The following CADPS2 variants were observed in gnomAD, a reference collection of about 807,000 sequenced individuals.
CADPS2 encodes calcium dependent secretion activator 2.
CADPS2 carries 93 observed loss-of-function variants against 172.5 expected under a neutral mutation model. The observed-to-expected ratio is 0.54, with a 90% CI of 0.46 to 0.64. The LOEUF is 0.64. Among genes scored for constraint, CADPS2 ranks in the 30% least tolerant of loss-of-function variants. The pLI is 0.00. For missense variants in CADPS2, 1,420 were observed against 1,565.9 expected (o/e 0.91, Z 1.57); for synonymous variants, 546 against 555.2 (o/e 0.98, Z 0.23).
At chr7:122,545,610 A>G (rs1304564509) in intron 8 of CADPS2, among the ~76,000 whole-genome samples, 1 of 152,178 alleles carries the variant, frequency 6.6e-6, no homozygotes, top group Admixed American at 6.6e-5. Flanking sequence ...AAATGGGAAC[A>G]TCGTAGAAAA....
intron 1 of CADPS2, among the ~76,000 whole-genome samples, chr7:122,863,930 T>C (rs1817621687): frequency 6.6e-6 from 1 of 152,076 alleles, no homozygotes; most frequent in African/African-American, 2.4e-5. Context: ...CTCGGGAGGC[T>C]GAGGCAGGAG....
intron 7 of CADPS2, among the ~76,000 whole-genome samples, chr7:122,574,445 T>TTAA (rs1458311901): frequency 5.3e-5 from 2 of 37,970 alleles, no homozygotes; most frequent in Admixed American, 5.6e-4. Context: ...GACCCTGTCT[T>TTAA]AAAAAAAAAA....
chr7:122,753,025 G>A (rs2093014375), intron 1 of CADPS2, among the ~76,000 whole-genome samples: 1 of 152,144 alleles, frequency 6.6e-6, no homozygotes, highest in South Asian at 2.1e-4. Flanking sequence ...GACACCCCAA[G>A]AAAGTGACAC....
chr7:122,659,423 A>G (rs890129396), intron 3 of CADPS2, among the ~76,000 whole-genome samples: 1 of 152,108 alleles, frequency 6.6e-6, no homozygotes, highest in Non-Finnish European at 1.5e-5. Flanking sequence ...ATGTCAATAA[A>G]AACTTCCCAA....
At chr7:122,501,743 C>T (rs1586673908) in intron 9 of CADPS2, among the ~76,000 whole-genome samples, 1 of 151,724 alleles carries the variant, frequency 6.6e-6, no homozygotes, top group Middle Eastern at 3.4e-3. Context: ...GGCGTGGTGG[C>T]ACACGCCTGT....
intron 3 of CADPS2, among the ~76,000 whole-genome samples, chr7:122,642,889 C>A (rs1440042179): frequency 6.6e-6 from 1 of 152,144 alleles, no homozygotes; most frequent in Admixed American, 6.5e-5. Context: ...AGTCCCCACA[C>A]CAATTATGTC....
At chr7:122,455,825 G>A (rs1270850283) in intron 14 of CADPS2, among the ~76,000 whole-genome samples, 2 of 152,048 alleles carry the variant, frequency 1.3e-5, no homozygotes, top group African/African-American at 4.8e-5. Flanking sequence ...TCCTGCCTCA[G>A]CCTCCCAAGT....
intron 8 of CADPS2, among the ~76,000 whole-genome samples, chr7:122,535,523 A>G (rs1438985519): frequency 1.3e-5 from 2 of 152,004 alleles, no homozygotes; most frequent in Non-Finnish European, 2.9e-5. Context: ...GATAATAAAT[A>G]TGTTTTATTT....
At chr7:122,763,783 G>C (rs1362613479) in intron 1 of CADPS2, among the ~76,000 whole-genome samples, 1 of 152,104 alleles carries the variant, frequency 6.6e-6, no homozygotes. Context: ...ATGTTTTCAA[G>C]ATCTTTCCAA....
At chr7:122,327,882 G>A (rs1265603351) in intron 28 of CADPS2, among the ~76,000 whole-genome samples, 2 of 151,744 alleles carry the variant, frequency 1.3e-5, no homozygotes, top group Non-Finnish European at 2.9e-5. Context: ...TACTTTGAAG[G>A]ACAATAAATT....
chr7:122,584,252 C>T (rs960686058), intron 6 of CADPS2, among the ~76,000 whole-genome samples: 1 of 151,930 alleles, frequency 6.6e-6, no homozygotes, highest in African/African-American at 2.4e-5. Context: ...TGGGAAGATA[C>T]TTGCTAATGA....
At chr7:122,473,468 T>A (rs1254253602) in intron 13 of CADPS2, among the ~76,000 whole-genome samples, 1 of 152,164 alleles carries the variant, frequency 6.6e-6, no homozygotes, top group African/African-American at 2.4e-5. Context: ...GATTTTGGAT[T>A]TTTGGATTAA....
chr7:122,361,833 G>A (rs2040188357), intron 25 of CADPS2, among the ~76,000 whole-genome samples: 1 of 152,028 alleles, frequency 6.6e-6, no homozygotes, highest in African/African-American at 2.4e-5. Flanking sequence ...CAGCACCTTG[G>A]GAGGCCAAGG....
At chr7:122,554,813 A>G (rs1563687630) in intron 7 of CADPS2, 124 bp from the exon 8 acceptor site, 5 of 718,686 alleles carry the variant, frequency 7.0e-6, no homozygotes, top group Non-Finnish European at 8.4e-6. Context: ...TATCCAATAA[A>G]CAATTTGACT....
chr7:122,724,914 T>C (rs947709336), intron 2 of CADPS2, among the ~76,000 whole-genome samples: 4 of 152,034 alleles, frequency 2.6e-5, no homozygotes, highest in Non-Finnish European at 4.4e-5. Context: ...AATAAGTCCA[T>C]ACGATTACAG....
chr7:122,685,874 T>C (rs2083556454), intron 2 of CADPS2, among the ~76,000 whole-genome samples: 1 of 152,196 alleles, frequency 6.6e-6, no homozygotes, highest in Non-Finnish European at 1.5e-5. Context: ...AGCAATGCTG[T>C]TAAAGCAGAG....
intron 1 of CADPS2, among the ~76,000 whole-genome samples, chr7:122,862,508 T>G (rs778724666): frequency 1.7e-4 from 26 of 152,254 alleles, no homozygotes; most frequent in Middle Eastern, 3.4e-3. Flanking sequence ...GGCCTCTCTC[T>G]CTCATGGCTA....
At chr7:122,381,831 A>G (rs902493436) in intron 24 of CADPS2, among the ~76,000 whole-genome samples, 2 of 152,202 alleles carry the variant, frequency 1.3e-5, no homozygotes, top group Non-Finnish European at 2.9e-5. Flanking sequence ...AAAGGAATAA[A>G]GAAGTATACA....
At chr7:122,451,594 T>A (rs2053125382) in intron 14 of CADPS2, 119 bp from the exon 15 acceptor site, 2 of 513,348 alleles carry the variant, frequency 3.9e-6, no homozygotes, top group Non-Finnish European at 6.6e-6. Context: ...TTAATTGTGT[T>A]TACAGTGGAA....
Sources: allele counts gnomAD v4.1 joint callset (sites outside exome capture counted in the v4.1 genomes callset), GRCh38; gene constraint gnomAD v4.1.1; transcripts MANE v1.5; gene names NCBI Gene and HGNC (gene_info 2026-07-23, HGNC 2026-07-21).